The following ZBTB46 variants were observed in gnomAD, a reference collection of about 807,000 sequenced individuals.
ZBTB46 encodes zinc finger and BTB domain containing 46, also known as zinc finger and BTB domain-containing protein 46.
Under a neutral mutation model 44.1 loss-of-function variants are expected in ZBTB46, and 8 were observed. That is an observed-to-expected ratio of 0.18 (90% CI 0.11 to 0.33). The LOEUF is 0.33. Ranked by LOEUF, ZBTB46 falls within the 10% of genes least tolerant of loss-of-function variation. The probability of loss-of-function intolerance (pLI) is 1.00; values close to 1 mark genes in which losing one functional copy is unlikely to be tolerated. For missense variants in ZBTB46, 651 were observed against 847.7 expected (o/e 0.77, Z 2.88); for synonymous variants, 409 against 382.3 (o/e 1.07, Z -0.81).
rs34785134 is a variant in ZBTB46 at position 63,790,184 on chromosome 20, C to T, written c.574G>A (p.Gly192Arg). ...GDSAIASCHD[G>R]GSSYGKEDQE... The stretch of plus-strand genomic sequence containing the variant: ...TCCTCTTTCCCGTAGCTGCTCCCTC[C>T]GTCGTGACAGCTGGCGATGGCCGAG... Residue 192 changes from glycine to arginine, a missense_variant, in exon 2 of 5, where the codon GGA becomes AGA. Coordinates refer to ENST00000245663, the MANE Select transcript of ZBTB46 (RefSeq NM_001369741.1). 1,540 of 1,613,638 alleles carry T rather than the reference C, an allele frequency of 9.5e-4. 6 individuals are homozygous for T. Among genetic ancestry groups the T allele is most frequent in the South Asian group, 1.3e-3 (116 of 91,046 alleles).
At chr20:63,816,033 A>AGGTGCGGTGGGTG (rs1568902571) in intron 1 of ZBTB46, among the ~76,000 whole-genome samples, 2 of 136,626 alleles carry the variant, frequency 1.5e-5, no homozygotes, top group African/African-American at 5.7e-5. Flanking sequence ...GCAGGTGGGC[A>AGGTGCGGTGGGTG]CAGGTGCGGT....
chr20:63,798,235 A>G (rs1215761379), intron 1 of ZBTB46, among the ~76,000 whole-genome samples: 1 of 152,116 alleles, frequency 6.6e-6, no homozygotes, highest in East Asian at 1.9e-4. Context: ...TTTTCCCAGC[A>G]CCATTTATTA....
chr20:63,751,999 C>G lies in ZBTB46; in HGVS notation c.1398+687G>C, dbSNP rs1286424430. ...CCCCACCTCTGCCCGGAGCCCGGGGCGCCTCCACTGCCTCTCCTCACACAG... is the reference window on the plus strand; with the variant it reads ...CCCCACCTCTGCCCGGAGCCCGGGGGGCCTCCACTGCCTCTCCTCACACAG... On this transcript the variant is annotated intron_variant, in intron 4 of 4. Coordinates refer to ENST00000245663, the MANE Select transcript of ZBTB46 (RefSeq NM_001369741.1). 3.3e-5 allele frequency among the ~76,000 whole-genome samples: 5 copies of G among 152,132 alleles called. No individual in the cohort carries two copies. The East Asian group carries it at 9.7e-4, about 29-fold the overall frequency.
chr20:63,814,132 C>A (rs1394656565), intron 1 of ZBTB46, among the ~76,000 whole-genome samples: 1 of 150,802 alleles, frequency 6.6e-6, no homozygotes, highest in Admixed American at 6.7e-5. Context: ...ACTAGGGAGG[C>A]TGAGGCAGGA....
chr20:63,798,177 C>T (rs577165831), intron 1 of ZBTB46, among the ~76,000 whole-genome samples: 2 of 152,158 alleles, frequency 1.3e-5, no homozygotes, highest in East Asian at 1.9e-4. Flanking sequence ...TTTTGTATAA[C>T]GTGTAAGGAA....
chr20:63,831,676 G>T (rs918087544), upstream of ZBTB46, among the ~76,000 whole-genome samples: 8 of 150,382 alleles, frequency 5.3e-5, no homozygotes, highest in African/African-American at 1.9e-4. Context: ...CACCCCACGG[G>T]AGCGGCGACC....
At chr20:63,754,205 T>C (rs4299387) in intron 3 of ZBTB46, among the ~76,000 whole-genome samples, 71,449 of 152,086 alleles carry the variant, frequency 0.47, 18,210 homozygotes, top group African/African-American at 0.66. Context: ...ATCCCCCGAG[T>C]GGCTCCTGAC....
intron 2 of ZBTB46, among the ~76,000 whole-genome samples, chr20:63,786,092 G>A (rs1200763311): frequency 6.6e-6 from 1 of 152,222 alleles, no homozygotes; most frequent in African/African-American, 2.4e-5. Context: ...GGACCACTGG[G>A]AGGGGCCTCG....
At chr20:63,777,567 G>A (rs979040516) in intron 2 of ZBTB46, among the ~76,000 whole-genome samples, 22 of 152,190 alleles carry the variant, frequency 1.4e-4, no homozygotes, top group African/African-American at 5.3e-4. Flanking sequence ...GCCCTCCTGC[G>A]GAGCAGGTCG....
At chr20:63,759,661 C>T (rs6089770) in intron 3 of ZBTB46, among the ~76,000 whole-genome samples, 73,453 of 152,004 alleles carry the variant, frequency 0.48, 18,846 homozygotes, top group East Asian at 0.87. Flanking sequence ...ACACACAACC[C>T]GGGCAGGATC....
intron 3 of ZBTB46, among the ~76,000 whole-genome samples, chr20:63,755,198 C>T (rs926108921): frequency 2.0e-5 from 3 of 152,232 alleles, no homozygotes; most frequent in Non-Finnish European, 4.4e-5. Flanking sequence ...CGATGCACTT[C>T]GGCTTCTTCT....
At chr20:63,821,101 C>T (rs1179908691) in intron 1 of ZBTB46, among the ~76,000 whole-genome samples, 2 of 151,724 alleles carry the variant, frequency 1.3e-5, no homozygotes, top group African/African-American at 4.8e-5. Context: ...CCATGTTGGC[C>T]AAGATGGTCT....
chr20:63,771,117 T>TTGAAGCTGCGG (rs1291725223), intron 3 of ZBTB46, among the ~76,000 whole-genome samples: 1 of 151,630 alleles, frequency 6.6e-6, no homozygotes, highest in Non-Finnish European at 1.5e-5. Flanking sequence ...CTGGCCTGAG[T>TTGAAGCTGCGG]TGAAGCTGCG....
intron 2 of ZBTB46, among the ~76,000 whole-genome samples, chr20:63,782,537 T>C (rs1057348152): frequency 3.9e-5 from 6 of 152,174 alleles, no homozygotes; most frequent in Admixed American, 1.3e-4. Flanking sequence ...TGGTCATTTA[T>C]TACAGCAGCC....
At position 63,770,981 on chromosome 20, in the gene ZBTB46, CGCTCG is replaced by C. The variant is rs1239835979; in HGVS notation, c.1222+4692_1222+4696del. On this transcript the variant is annotated intron_variant, in intron 3 of 4. Transcript: ENST00000245663. ...GCCACGCCCGGCACAGCAGCCACGCCGCTCGAACCACAGCAGGGGCCACGTCAGCA... is the reference window on the plus strand; with the variant it reads ...GCCACGCCCGGCACAGCAGCCACGCCAACCACAGCAGGGGCCACGTCAGCA... 3.3e-5 allele frequency among the ~76,000 whole-genome samples: 3 copies of C among 90,270 alleles called. No homozygotes were observed. In the East Asian group the frequency reaches 1.7e-3, roughly 51 times the overall value. The allele number at this position is 90,270 out of a possible 152,430, so 59.2% of individuals were successfully genotyped here.
At chr20:63,819,803 C>T (rs1430094364) in intron 1 of ZBTB46, among the ~76,000 whole-genome samples, 1 of 152,172 alleles carries the variant, frequency 6.6e-6, no homozygotes, top group Non-Finnish European at 1.5e-5. Flanking sequence ...CTGGGACGCT[C>T]GGAGCACTGA....
At chr20:63,795,504 G>C (rs2092596642) in intron 1 of ZBTB46, among the ~76,000 whole-genome samples, 1 of 152,230 alleles carries the variant, frequency 6.6e-6, no homozygotes, top group South Asian at 2.1e-4. Flanking sequence ...TGCTTTTGGG[G>C]GCTATTTCAA....
intron 3 of ZBTB46, chr20:63,769,423 G>A (rs1033582212): frequency 9.1e-6 from 9 of 985,256 alleles, no homozygotes; most frequent in Admixed American, 6.2e-5. Context: ...CCACAGGAAC[G>A]CGCACCAGCT....
chr20:63,783,919 A>G (rs1461451191), intron 2 of ZBTB46, among the ~76,000 whole-genome samples: 1 of 152,148 alleles, frequency 6.6e-6, no homozygotes, highest in Non-Finnish European at 1.5e-5. Flanking sequence ...GAGGCGAAAC[A>G]TTGTTCAGGA....
Sources: gnomAD v4.1 joint callset for allele counts (sites outside exome capture counted in the v4.1 genomes callset) on GRCh38, gnomAD v4.1.1 for gene constraint, MANE v1.5 for transcripts, NCBI Gene and HGNC (gene_info 2026-07-23, HGNC 2026-07-21) for gene names.